Variants in DMD observed in about 807,000 individuals in gnomAD.
DMD encodes mutant dystrophin.
In DMD, 63 loss-of-function variants were observed where a neutral mutation model predicts 330.1. The ratio of observed to expected loss-of-function variants is 0.19; its 90% CI spans 0.16 to 0.24. DMD has a LOEUF of 0.24. Ranked by LOEUF, DMD falls within the 10% of genes least tolerant of loss-of-function variation. The pLI, the probability that DMD is intolerant of heterozygous loss-of-function variation, is 1.00. For synonymous variants in DMD, 1,223 were observed against 959.8 expected, an observed-to-expected ratio of 1.27 and a Z score of -5.07; for missense variants, 3,344 against 2,684.1, an observed-to-expected ratio of 1.25 and a Z score of -5.43.
chrX:32,401,530 G>C (rs1361104027), intron 30 of DMD, among the ~76,000 whole-genome samples: 1 of 111,151 alleles, frequency 9.0e-6, no homozygotes, highest in African/African-American at 3.3e-5. Flanking sequence ...TTGAACTATG[G>C]AGATAGAGAG....
intron 17 of DMD, among the ~76,000 whole-genome samples, chrX:32,541,776 C>A (rs1387031076): frequency 1.9e-5 from 2 of 102,883 alleles, no homozygotes; most frequent in Non-Finnish European, 3.9e-5. Flanking sequence ...TGTAACAAAC[C>A]TACACGTTAA....
At chrX:31,669,912 T>C (rs1261512386) in intron 53 of DMD, among the ~76,000 whole-genome samples, 1 of 110,424 alleles carries the variant, frequency 9.1e-6, no homozygotes, top group African/African-American at 3.3e-5. Flanking sequence ...TGGGGGGATA[T>C]TGATATCTTA....
At chrX:32,242,932 G>A (rs182056542) in intron 43 of DMD, among the ~76,000 whole-genome samples, 56 of 98,397 alleles carry the variant, frequency 5.7e-4, no homozygotes, top group African/African-American at 1.9e-3. Context: ...GCAAAGGAAC[G>A]CAAAGGAAAA....
chrX:31,335,432 A>G (rs2057362294), intron 61 of DMD, among the ~76,000 whole-genome samples: 1 of 112,421 alleles, frequency 8.9e-6, no homozygotes, highest in South Asian at 3.7e-4. Flanking sequence ...TTTTAATAAA[A>G]AAGTAATGCA....
intron 50 of DMD, among the ~76,000 whole-genome samples, chrX:31,779,852 C>T (rs1198212066): frequency 2.7e-5 from 3 of 111,372 alleles, no homozygotes; most frequent in Non-Finnish European, 5.7e-5. Context: ...TTGTGGTTTT[C>T]CCTCCATAGT....
chrX:31,450,046 A>G (rs1273442130), intron 59 of DMD, among the ~76,000 whole-genome samples: 1 of 109,815 alleles, frequency 9.1e-6, no homozygotes, highest in Admixed American at 9.8e-5. Flanking sequence ...AGTAGGGACT[A>G]ATGGCATTGC....
chrX:32,552,315 G>A (rs769486005), intron 16 of DMD, among the ~76,000 whole-genome samples: 2 of 111,586 alleles, frequency 1.8e-5, no homozygotes, highest in East Asian at 2.8e-4. Flanking sequence ...AAATAAGGCT[G>A]CACACCTACA....
At chrX:31,218,338 T>C (rs1446121570) in intron 64 of DMD, among the ~76,000 whole-genome samples, 2 of 109,826 alleles carry the variant, frequency 1.8e-5, no homozygotes, top group African/African-American at 6.6e-5. Flanking sequence ...TACTCCTTTA[T>C]TAAAGGAAAG....
chrX:32,725,048 GT>G, intron 7 of DMD, among the ~76,000 whole-genome samples: 1 of 111,531 alleles, frequency 9.0e-6, no homozygotes, highest in Admixed American at 9.6e-5. Flanking sequence ...AATAGTCATT[GT>G]TTGGTTGTAT....
intron 65 of DMD, among the ~76,000 whole-genome samples, chrX:31,207,502 T>C (rs1451573595): frequency 3.6e-5 from 4 of 111,997 alleles, no homozygotes; most frequent in African/African-American, 1.3e-4. Context: ...TGAATGCCCA[T>C]CAATGAGAAA....
intron 18 of DMD, among the ~76,000 whole-genome samples, chrX:32,507,452 TA>T (rs1477365883): frequency 1.8e-5 from 2 of 111,993 alleles, no homozygotes; most frequent in Non-Finnish European, 3.8e-5. Flanking sequence ...CTCTTTATTC[TA>T]AGCTTACTAG....
intron 49 of DMD, among the ~76,000 whole-genome samples, chrX:31,824,802 T>A (rs1334067879): frequency 9.0e-6 from 1 of 111,258 alleles, no homozygotes; most frequent in Non-Finnish European, 1.9e-5. Flanking sequence ...GAACAAAAGA[T>A]AATATATAGT....
At chrX:32,833,692 TAA>T (rs5902041) in intron 4 of DMD, among the ~76,000 whole-genome samples, 36,562 of 80,899 alleles carry the variant, frequency 0.45, 6,325 homozygotes, top group Admixed American at 0.51. Flanking sequence ...TAATTTCAAG[TAA>T]AAAAAAAAAA....
At chrX:31,911,817 C>A (rs1382868007) in intron 47 of DMD, among the ~76,000 whole-genome samples, 3 of 111,441 alleles carry the variant, frequency 2.7e-5, no homozygotes, top group Non-Finnish European at 3.8e-5. Context: ...GATCCTCTTA[C>A]AACTACACGA....
intron 55 of DMD, among the ~76,000 whole-genome samples, chrX:31,539,608 G>A (rs1349077639): frequency 8.9e-6 from 1 of 111,869 alleles, no homozygotes; most frequent in Non-Finnish European, 1.9e-5. Context: ...AAAGGCACAT[G>A]TTATAAGTAG....
chrX:31,911,905 C>T (rs1019642521), intron 47 of DMD, among the ~76,000 whole-genome samples: 22 of 111,832 alleles, frequency 2.0e-4, no homozygotes, highest in African/African-American at 6.8e-4. Context: ...CGAAAAAACT[C>T]GATAAGTGGG....
intron 57 of DMD, among the ~76,000 whole-genome samples, chrX:31,493,392 A>G (rs6628610): frequency 0.33 from 37,194 of 111,672 alleles, 4,555 homozygotes; most frequent in East Asian, 0.56. Context: ...AAATGTAGAC[A>G]ACAGGGAAAA....
intron 16 of DMD, among the ~76,000 whole-genome samples, chrX:32,563,175 C>A (rs1236526567): frequency 2.8e-5 from 3 of 108,858 alleles, no homozygotes; most frequent in Non-Finnish European, 3.8e-5. Flanking sequence ...CCCATCTCTA[C>A]TAAAATTACA....
intron 1 of DMD, among the ~76,000 whole-genome samples, chrX:33,097,642 C>T (rs1397314297): frequency 2.7e-5 from 2 of 75,446 alleles, no homozygotes; most frequent in African/African-American, 1.1e-4. Flanking sequence ...GACAGAGTCT[C>T]ACTCACTCTG....
Sources: allele counts gnomAD v4.1 joint callset (sites outside exome capture counted in the v4.1 genomes callset), GRCh38; gene constraint gnomAD v4.1.1; transcripts MANE v1.5; gene names NCBI Gene and HGNC (gene_info 2026-07-23, HGNC 2026-07-21).